Variants in SARS1 observed in about 807,000 individuals in gnomAD.
The protein encoded by SARS1 is seryl-tRNA synthetase 1.
A neutral mutation model predicts 63.7 loss-of-function variants in SARS1; 25 were observed. The ratio of observed to expected loss-of-function variants is 0.39; its 90% CI spans 0.29 to 0.55. The LOEUF (loss-of-function observed/expected upper bound fraction) is 0.55. SARS1 is among the 20% of genes least tolerant of loss of function. The pLI is 0.62. For missense variants in SARS1, 417 were observed against 649.7 expected, an observed-to-expected ratio of 0.64 and a Z score of 3.89; for synonymous variants, 231 against 243.5, an observed-to-expected ratio of 0.95 and a Z score of 0.48.
At chr1:109,221,954 A>AGTTT (rs1654936740) in intron 1 of SARS1, among the ~76,000 whole-genome samples, 1 of 89,284 alleles carries the variant, frequency 1.1e-5, no homozygotes, top group Non-Finnish European at 2.0e-5. Flanking sequence ...TGCTCAGCTA[A>AGTTT]TTTTTTTGTG....
intron 1 of SARS1, among the ~76,000 whole-genome samples, chr1:109,223,273 G>A (rs766677019): frequency 9.2e-5 from 14 of 152,222 alleles, no homozygotes; most frequent in Non-Finnish European, 2.1e-4. Context: ...GCATGGAGAG[G>A]TAGCAATCAT....
At chr1:109,228,929 G>A (rs905507292) in intron 3 of SARS1, among the ~76,000 whole-genome samples, 1 of 152,158 alleles carries the variant, frequency 6.6e-6, no homozygotes, top group African/African-American at 2.4e-5. Context: ...TAAAGCGCTT[G>A]CCTCAAAGAA....
Position 109,214,235 on chromosome 1 carries a change from C to T in SARS1, c.136+107C>T, listed in dbSNP as rs1557712747. On this transcript the variant is annotated intron_variant, in intron 1 of 10. Coordinates refer to ENST00000234677, the MANE Select transcript of SARS1 (RefSeq NM_006513.4). This position sits in a 1 kb window ranked among gnomAD's most constrained non-coding sequence, Gnocchi z 4.6. ...ACAGCTTCCACCCTTCGTCAGACCCCCTCCCAGGGTGCGGTGGCTCCGAGG... is the reference window on the plus strand; with the variant it reads ...ACAGCTTCCACCCTTCGTCAGACCCTCTCCCAGGGTGCGGTGGCTCCGAGG... 7.4e-7 allele frequency: 1 copy of T among 1,347,744 alleles called. No homozygotes were observed. Among genetic ancestry groups the T allele is most frequent in the South Asian group, 1.4e-5 (1 of 69,370 alleles). 83.5% of individuals were successfully genotyped at this position (1,347,744 alleles called of 1,614,324 possible). A position where few individuals can be genotyped will look rare whatever the true frequency, so the allele number is the denominator to read the frequency against.
chr1:109,231,609 T>G, intron 5 of SARS1, 22 bp from the exon 6 acceptor site: 1 of 1,468,618 alleles, frequency 6.8e-7, no homozygotes, highest in Admixed American at 2.5e-5. Context: ...AATCACATAG[T>G]ACTGTGTCTC....
At chr1:109,222,201 C>T (rs1418962095) in intron 1 of SARS1, among the ~76,000 whole-genome samples, 1 of 150,834 alleles carries the variant, frequency 6.6e-6, no homozygotes. Flanking sequence ...ACCTTGGTGC[C>T]TTGCAAATAG....
Position 109,236,536 on chromosome 1 carries a change from G to C in SARS1, c.1245G>C (p.Lys415Asn). Residue 415 changes from lysine to asparagine, a missense_variant, in exon 9 of 11, where the codon AAG becomes AAC. Around this residue, in one of 3 missense-constraint regions of SARS1, gnomAD observed 359 missense variants for 529.6 expected, o/e 0.68. Transcript: ENST00000234677. ...GAATCCGATATGGGCAAACCAAGAA[G>C]ATGATGGACAAGGTAGATGGCCCCC... ...RLRIRYGQTK[K>N]MMDKVEFVHM... The C allele has an allele frequency of 1.2e-6, 2 of 1,602,860 alleles. No homozygotes were observed. Among genetic ancestry groups the C allele is most frequent in the African/African-American group, 2.7e-5 (2 of 74,842 alleles).
chr1:109,219,262 C>CATATATGTATATATATATATATATATAT (rs1654866231), intron 1 of SARS1, among the ~76,000 whole-genome samples: 1 of 76,936 alleles, frequency 1.3e-5, no homozygotes, highest in Non-Finnish European at 2.8e-5. Flanking sequence ...CAAGACTCTC[C>CATATATGTATATATATATATATATATAT]ATATATATAT....
intron 6 of SARS1, among the ~76,000 whole-genome samples, chr1:109,233,781 C>T (rs12075220): frequency 6.6e-6 from 1 of 151,514 alleles, no homozygotes; most frequent in African/African-American, 2.4e-5. Context: ...ACTGCAACCT[C>T]TGCCTCCTGG....
chr1:109,218,616 G>T (rs1432631221), intron 1 of SARS1, among the ~76,000 whole-genome samples: 1 of 152,004 alleles, frequency 6.6e-6, no homozygotes, highest in Admixed American at 6.6e-5. Context: ...TCCTGGCCTC[G>T]CTGTCTACCA....
Position 109,214,636 on chromosome 1 carries a change from C to T in SARS1, c.136+508C>T. 4 of 985,776 alleles carry T rather than the reference C, an allele frequency of 4.1e-6. No homozygotes were observed. The highest frequency in any genetic ancestry group is 4.8e-6 in the Non-Finnish European group (4 of 830,164). 61.1% of individuals were successfully genotyped at this position (985,776 alleles called of 1,614,324 possible). On this transcript the variant is annotated intron_variant, in intron 1 of 10. Coordinates refer to ENST00000234677, the MANE Select transcript of SARS1 (RefSeq NM_006513.4). The surrounding 1 kb of genome is among the most constrained non-coding windows in gnomAD (Gnocchi z 4.6). ...GGAAGCATTTCGGGGCGTTGGAGGC[C>T]GCTCTTGGCCAAAATAAATGACCCT...
At position 109,237,656 on chromosome 1, in the gene SARS1, G is replaced by C. The variant is rs534957993; in HGVS notation, c.1388-75G>C. On this transcript the variant is annotated intron_variant, in intron 10 of 10. Coordinates refer to ENST00000234677, the MANE Select transcript of SARS1 (RefSeq NM_006513.4). This position sits in a 1 kb window ranked among gnomAD's most constrained non-coding sequence, Gnocchi z 4.1. The stretch of plus-strand genomic sequence containing the variant: ...TGTTCAAAGGGATCATTGTCTTGTT[G>C]AATTCTCCCCAGAGGTCTTAGGGCT... 6.5e-5 allele frequency: 98 copies of C among 1,518,400 alleles called. 1 individual carries two copies. In the South Asian group the frequency reaches 1.1e-3, roughly 17 times the overall value. 94.1% of individuals were successfully genotyped at this position (1,518,400 alleles called of 1,614,324 possible).
chr1:109,227,974 C>T (rs1295786555), intron 2 of SARS1, among the ~76,000 whole-genome samples: 2 of 151,836 alleles, frequency 1.3e-5, no homozygotes, highest in Admixed American at 6.6e-5. Context: ...GGGCTTGCTC[C>T]TGAGCACTGC....
At chr1:109,227,780 G>A (rs976391916) in intron 2 of SARS1, among the ~76,000 whole-genome samples, 2 of 151,820 alleles carry the variant, frequency 1.3e-5, no homozygotes, top group East Asian at 1.9e-4. Flanking sequence ...TTAGCCAGAC[G>A]TGGTGGTGCA....
chr1:109,224,177 G>A (rs1303856006), intron 2 of SARS1, 129 bp downstream of exon 2: 1 of 702,658 alleles, frequency 1.4e-6, no homozygotes, highest in Admixed American at 2.6e-5. Context: ...CTTACCAAAG[G>A]GGAAAATATT....
Position 109,237,710 on chromosome 1 carries a change from T to C in SARS1, c.1388-21T>C. 1 of 1,612,622 alleles carries C rather than the reference T, an allele frequency of 6.2e-7. No homozygotes were observed. The highest frequency in any genetic ancestry group is 1.1e-5 in the South Asian group (1 of 91,036). ...ACTCACTGAGAAACAACAGGTCATT[T>C]GGTTGGCTCTTCCCTCCCAGGACTG... On this transcript the variant is annotated intron_variant, in intron 10 of 10. Coordinates refer to ENST00000234677, the MANE Select transcript of SARS1 (RefSeq NM_006513.4). The surrounding 1 kb of genome is among the most constrained non-coding windows in gnomAD (Gnocchi z 4.1).
In SARS1 at chr1:109,231,776, A is replaced by T; in HGVS notation, c.737A>T (p.Glu246Val). The change falls in exon 6 of 11, where the codon GAA becomes GTA. Residue 246 changes from glutamate to valine, a missense_variant. By Grantham distance (121) the Glu-to-Val change is moderately radical. Transcript: ENST00000234677. Reference protein sequence around the residue: ...EVAQLSQFDEELYKVIGKGSE... With the variant: ...EVAQLSQFDEVLYKVIGKGSE... ...GCACAGCTCAGCCAGTTTGATGAAG[A>T]ACTTTATAAGGTGAGTAGCCTGGGT... 6.5e-7 allele frequency: 1 copy of T among 1,549,662 alleles called. No individual in the cohort carries two copies. Among genetic ancestry groups the T allele is most frequent in the Non-Finnish European group, 8.7e-7 (1 of 1,152,450 alleles).
chr1:109,236,251 G>T, intron 8 of SARS1, 140 bp from the exon 9 acceptor site: 1 of 1,279,812 alleles, frequency 7.8e-7, no homozygotes, highest in Non-Finnish European at 1.1e-6. Flanking sequence ...TCACTTGGGA[G>T]TATTTGGTGT....
chr1:109,215,549 C>CT (rs1654763037), intron 1 of SARS1: 4 of 985,270 alleles, frequency 4.1e-6, no homozygotes, highest in Non-Finnish European at 4.8e-6. Flanking sequence ...AGCACTGTAC[C>CT]TGGTCCTTGG....
intron 1 of SARS1, chr1:109,217,178 A>C: frequency 1.0e-6 from 1 of 975,948 alleles, no homozygotes; most frequent in Non-Finnish European, 1.2e-6. Flanking sequence ...TCCTTGACTT[A>C]GGATGGGTTT....
Sources: allele counts gnomAD v4.1 joint callset (sites outside exome capture counted in the v4.1 genomes callset), GRCh38; gene constraint gnomAD v4.1.1; regional missense constraint gnomAD v4.1.1; non-coding constraint Gnocchi (gnomAD v3.1); transcripts MANE v1.5; gene names NCBI Gene and HGNC (gene_info 2026-07-23, HGNC 2026-07-21).